The following CHD1L variants were observed in gnomAD, a reference collection of about 807,000 sequenced individuals.
CHD1L encodes the protein ATP-dependent chromatin remodeler CHD1L.
In CHD1L, 118 loss-of-function variants were observed where a neutral mutation model predicts 115.9. The ratio of observed to expected loss-of-function variants is 1.02; its 90% CI spans 0.88 to 1.19. CHD1L has a LOEUF of 1.19. Among genes scored for constraint, CHD1L ranks in the 50% most tolerant of loss-of-function variants. The probability of loss-of-function intolerance (pLI) is 0.00; values close to 1 mark genes in which losing one functional copy is unlikely to be tolerated. For synonymous variants in CHD1L, 411 were observed against 387.1 expected (o/e 1.06, Z -0.72); for missense variants, 1,179 against 1,065.3 (o/e 1.11, Z -1.49).
chr1:147,254,786 G>A, intron 2 of CHD1L, 84 bp from the exon 3 acceptor site: 1 of 827,138 alleles, frequency 1.2e-6, no homozygotes, highest in Non-Finnish European at 1.9e-6. Flanking sequence ...AAGAGTGTGT[G>A]TTCCCTACAG....
At position 147,284,426 on chromosome 1, in the gene CHD1L, A is replaced by G; in HGVS notation, c.1781A>G (p.Gln594Arg). The G allele has an allele frequency of 6.2e-7, 1 of 1,612,618 alleles. No individual in the cohort carries two copies. Among genetic ancestry groups the G allele is most frequent in the Non-Finnish European group, 8.5e-7 (1 of 1,179,288 alleles). ...AAGGAAGACAGAAAATCATTTGAAC[A>G]ACTGGTAAACCTTCAGAAAACCCTT... ...PSKEDRKSFE[Q>R]LVNLQKTLLE... The change falls in exon 16 of 23, where the codon CAA (glutamine) becomes CGA (arginine). Residue 594 changes from glutamine (Q) to arginine (R), a missense_variant. Coordinates refer to ENST00000369258, the MANE Select transcript of CHD1L (RefSeq NM_004284.6).
intron 11 of CHD1L, among the ~76,000 whole-genome samples, 161 bp from the exon 12 acceptor site, chr1:147,272,010 C>G (rs782774415): frequency 6.6e-6 from 1 of 152,094 alleles, no homozygotes; most frequent in Non-Finnish European, 1.5e-5. Context: ...GATAATTGTC[C>G]CTGTTAATTT....
At chr1:147,277,413 CA>C (rs1183844874) in intron 14 of CHD1L, among the ~76,000 whole-genome samples, 2 of 152,274 alleles carry the variant, frequency 1.3e-5, no homozygotes, top group East Asian at 3.9e-4. Flanking sequence ...CTGCAAAGGC[CA>C]GTGCATATCT....
chr1:147,282,915 C>T (rs985340468), intron 15 of CHD1L, among the ~76,000 whole-genome samples: 2 of 152,136 alleles, frequency 1.3e-5, no homozygotes, highest in African/African-American at 4.8e-5. Context: ...GATATAGGTC[C>T]GCTCTGTGGT....
the CHD1L span, among the ~76,000 whole-genome samples, chr1:147,200,252 C>T: frequency 6.6e-6 from 1 of 152,202 alleles, no homozygotes; most frequent in Admixed American, 6.5e-5. Context: ...TGAAGCTATA[C>T]TGAGTAAATC....
the CHD1L span, chr1:147,190,086 T>C: frequency 1.2e-6 from 1 of 815,248 alleles, no homozygotes; most frequent in Non-Finnish European, 1.9e-6. Flanking sequence ...ATCCTTAAGC[T>C]AACATGAGGC....
chr1:147,228,586 C>G, the CHD1L span, among the ~76,000 whole-genome samples: 1 of 152,050 alleles, frequency 6.6e-6, no homozygotes, highest in African/African-American at 2.4e-5. Flanking sequence ...AATCGCCACA[C>G]TGACTTCCAC....
At chr1:147,243,495 G>A (rs1553932460) in intron 1 of CHD1L, among the ~76,000 whole-genome samples, 1 of 152,012 alleles carries the variant, frequency 6.6e-6, no homozygotes, top group Non-Finnish European at 1.5e-5. Context: ...AGCCCTTACG[G>A]AGAGTCTGCA....
chr1:147,280,325 G>C, intron 15 of CHD1L, 134 bp downstream of exon 15: 2 of 850,516 alleles, frequency 2.4e-6, no homozygotes, highest in Admixed American at 3.5e-5. Flanking sequence ...TGGGCACACT[G>C]TTTAAGACTT....
At chr1:147,227,836 A>G in the CHD1L span, among the ~76,000 whole-genome samples, 2 of 152,166 alleles carry the variant, frequency 1.3e-5, no homozygotes, top group South Asian at 2.1e-4. Context: ...ACCTCTACTC[A>G]GATGCTACCC....
At chr1:147,242,588 C>G, upstream of CHD1L, 1 of 1,084,306 alleles carries the variant, frequency 9.2e-7, no homozygotes, top group Non-Finnish European at 1.2e-6. Flanking sequence ...GACGCGCCCT[C>G]TGGCGGCGCC....
intron 1 of CHD1L, among the ~76,000 whole-genome samples, chr1:147,251,633 A>G (rs1416626114): frequency 6.6e-6 from 1 of 151,874 alleles, no homozygotes; most frequent in Non-Finnish European, 1.5e-5. Flanking sequence ...GGTTCAAGCA[A>G]TTCCCCCTGC....
intron 15 of CHD1L, among the ~76,000 whole-genome samples, chr1:147,282,851 G>T (rs368309352): frequency 1.3e-5 from 2 of 152,108 alleles, no homozygotes; most frequent in African/African-American, 4.8e-5. Context: ...CAGTCCAACT[G>T]CCAGAAAAAA....
intron 8 of CHD1L, among the ~76,000 whole-genome samples, chr1:147,266,573 G>A (rs897334499): frequency 9.2e-5 from 14 of 152,304 alleles, no homozygotes; most frequent in East Asian, 1.9e-4. Flanking sequence ...TTTGTTCTGC[G>A]TATCCACGCC....
intron 11 of CHD1L, among the ~76,000 whole-genome samples, chr1:147,271,746 C>T (rs991088196): frequency 7.9e-5 from 12 of 152,062 alleles, no homozygotes; most frequent in Admixed American, 6.5e-4. Flanking sequence ...AGGCAGGTGG[C>T]GAACTCTAAA....
At chr1:147,210,953 A>G in the CHD1L span, 1 of 152,364 alleles carries the variant, frequency 6.6e-6, no homozygotes, top group East Asian at 1.9e-4. Flanking sequence ...AAAAACTTCC[A>G]TGATATACTG....
At chr1:147,182,355 G>A in the CHD1L span, among the ~76,000 whole-genome samples, 1 of 152,120 alleles carries the variant, frequency 6.6e-6, no homozygotes, top group African/African-American at 2.4e-5. Flanking sequence ...AGCTACAGTG[G>A]GCCATCTTGG....
rs782757424 is a variant in CHD1L, at chr1:147,285,555, T to C, written c.2018+68T>C. 4.3e-5 allele frequency: 62 copies of C among 1,443,938 alleles called. No homozygotes were observed. In the East Asian group the frequency reaches 1.5e-3, roughly 34 times the overall value. The allele number at this position is 1,443,938 out of a possible 1,614,324, so 89.4% of individuals were successfully genotyped here. ...TCACTATTGTATAGTGAGACCACAG[T>C]TGAATATCACTTTAAAAATACAGAA... On this transcript the variant is annotated intron_variant, in intron 17 of 22. Transcript: ENST00000369258.
chr1:147,247,820 C>T (rs371824174), intron 1 of CHD1L, among the ~76,000 whole-genome samples: 17 of 152,140 alleles, frequency 1.1e-4, no homozygotes, highest in African/African-American at 4.1e-4. Context: ...TGACTCCTGG[C>T]CCCTTTCCTC....
Sources: allele counts gnomAD v4.1 joint callset (sites outside exome capture counted in the v4.1 genomes callset), GRCh38; gene constraint gnomAD v4.1.1; transcripts MANE v1.5; gene names NCBI Gene and HGNC (gene_info 2026-07-23, HGNC 2026-07-21).